The following DCLK2 variants were observed in gnomAD, a reference collection of about 807,000 sequenced individuals.
The protein encoded by DCLK2 is serine/threonine-protein kinase DCLK2.
A neutral mutation model predicts 78.4 loss-of-function variants in DCLK2; 31 were observed. The ratio of observed to expected loss-of-function variants is 0.40; its 90% CI spans 0.30 to 0.53. The LOEUF (loss-of-function observed/expected upper bound fraction) is 0.53. DCLK2 is among the 20% of genes least tolerant of loss of function. The pLI is 0.61. For synonymous variants in DCLK2, 407 were observed against 374.9 expected (o/e 1.09, Z -0.99); for missense variants, 872 against 973.7 (o/e 0.90, Z 1.39).
chr4:150,241,412 C>G (rs1742917977), intron 12 of DCLK2, among the ~76,000 whole-genome samples: 1 of 152,186 alleles, frequency 6.6e-6, no homozygotes, highest in East Asian at 1.9e-4. Context: ...ATCTCCCCCT[C>G]TGGAGCAAAT....
At chr4:150,167,995 G>A (rs1736221896) in intron 2 of DCLK2, among the ~76,000 whole-genome samples, 3 of 152,176 alleles carry the variant, frequency 2.0e-5, no homozygotes, top group Non-Finnish European at 4.4e-5. Flanking sequence ...CCACCCCAAG[G>A]GAAGAACTGG....
intron 2 of DCLK2, among the ~76,000 whole-genome samples, chr4:150,180,116 A>C (rs967680024): frequency 2.0e-5 from 3 of 152,194 alleles, no homozygotes; most frequent in African/African-American, 7.2e-5. Flanking sequence ...TGTAAATTAC[A>C]CTGTTAATAC....
intron 3 of DCLK2, among the ~76,000 whole-genome samples, chr4:150,195,664 A>G (rs182659055): frequency 6.7e-6 from 1 of 150,256 alleles, no homozygotes; most frequent in Non-Finnish European, 1.5e-5. Flanking sequence ...CTTACTTTGT[A>G]TGTACAGGCA....
chr4:150,242,627 G>A (rs1407807433), intron 12 of DCLK2, among the ~76,000 whole-genome samples: 1 of 152,140 alleles, frequency 6.6e-6, no homozygotes, highest in East Asian at 1.9e-4. Context: ...AGATGACTTG[G>A]CCCTGTGCTT....
chr4:150,080,111 G>GCCCC (rs540978992), intron 1 of DCLK2, among the ~76,000 whole-genome samples: 4,130 of 129,010 alleles, frequency 0.032, 304 homozygotes, highest in Non-Finnish European at 0.051. Flanking sequence ...AGTCTCAAAA[G>GCCCC]CCCCCCCCCC....
At chr4:150,155,000 G>A (rs1735162341) in intron 2 of DCLK2, among the ~76,000 whole-genome samples, 1 of 152,172 alleles carries the variant, frequency 6.6e-6, no homozygotes, top group African/African-American at 2.4e-5. Flanking sequence ...GGAGGCCTAG[G>A]CGGGTGGATC....
chr4:150,182,404 G>A (rs1405320879), intron 2 of DCLK2, among the ~76,000 whole-genome samples: 1 of 152,080 alleles, frequency 6.6e-6, no homozygotes, highest in Admixed American at 6.6e-5. Context: ...TAAGAAAAAT[G>A]GAGTGGGAAA....
chr4:150,171,837 C>T (rs971657668), intron 2 of DCLK2, among the ~76,000 whole-genome samples: 2 of 152,242 alleles, frequency 1.3e-5, no homozygotes, highest in Admixed American at 1.3e-4. Flanking sequence ...TTGAATCCCT[C>T]ACACTGGCTG....
intron 2 of DCLK2, among the ~76,000 whole-genome samples, chr4:150,192,215 TCA>T (rs1738505447): frequency 6.6e-6 from 1 of 152,040 alleles, no homozygotes; most frequent in South Asian, 2.1e-4. Flanking sequence ...GCATGGTGAC[TCA>T]CACCTGTAAT....
intron 2 of DCLK2, among the ~76,000 whole-genome samples, chr4:150,142,264 A>G (rs956059821): frequency 1.3e-5 from 2 of 152,108 alleles, no homozygotes; most frequent in African/African-American, 2.4e-5. Context: ...CATTATGTAT[A>G]TAATTAACAC....
intron 2 of DCLK2, among the ~76,000 whole-genome samples, chr4:150,123,293 C>A (rs1732695305): frequency 6.6e-6 from 1 of 152,088 alleles, no homozygotes; most frequent in African/African-American, 2.4e-5. Context: ...CACTTAGAGG[C>A]CATTGTAGTG....
intron 2 of DCLK2, among the ~76,000 whole-genome samples, chr4:150,180,954 A>G (rs1325176843): frequency 6.6e-6 from 1 of 152,156 alleles, no homozygotes; most frequent in Non-Finnish European, 1.5e-5. Flanking sequence ...CCCCAAACCC[A>G]GGAGGAGGGA....
Position 150,199,107 on chromosome 4 carries a change from C to T in DCLK2, c.961+1004C>T, listed in dbSNP as rs77610009. The T allele has an allele frequency of 1.6e-3, 2,459 of 1,586,158 alleles. 21 individuals carry two copies. In the African/African-American group the frequency reaches 0.019, roughly 12 times the overall value. ...AGCCATGACTATTGTGGCTTTGTTG[C>T]TCTGCTGGGTTTTTGTTTTTGTTTT... On this transcript the variant is annotated intron_variant, in intron 4 of 15. Coordinates refer to ENST00000296550, the MANE Select transcript of DCLK2 (RefSeq NM_001040260.4).
intron 2 of DCLK2, among the ~76,000 whole-genome samples, chr4:150,118,528 T>A (rs1254100524): frequency 3.9e-5 from 6 of 152,312 alleles, no homozygotes; most frequent in Admixed American, 3.3e-4. Flanking sequence ...ATTTTTATAA[T>A]TGACTATTCC....
At chr4:150,234,982 A>G (rs1172069323) in intron 10 of DCLK2, among the ~76,000 whole-genome samples, 1 of 152,204 alleles carries the variant, frequency 6.6e-6, no homozygotes, top group Non-Finnish European at 1.5e-5. Flanking sequence ...AGGTGTGACC[A>G]GACACAAACA....
intron 2 of DCLK2, among the ~76,000 whole-genome samples, chr4:150,190,799 A>T (rs1044771305): frequency 3.3e-5 from 5 of 152,154 alleles, no homozygotes; most frequent in African/African-American, 1.2e-4. Flanking sequence ...GTGGTCTGCG[A>T]ATTACAGCTC....
chr4:150,195,008 G>T (rs959766718), intron 3 of DCLK2, among the ~76,000 whole-genome samples: 22 of 147,264 alleles, frequency 1.5e-4, no homozygotes, highest in African/African-American at 5.5e-4. Context: ...ATTATATTCT[G>T]TTGGACTGGC....
chr4:150,143,753 G>A (rs770282174), intron 2 of DCLK2, among the ~76,000 whole-genome samples: 1 of 152,070 alleles, frequency 6.6e-6, no homozygotes, highest in African/African-American at 2.4e-5. Context: ...ATTCTGACTG[G>A]TGTAGGATAA....
At chr4:150,166,402 G>C (rs1010793092) in intron 2 of DCLK2, among the ~76,000 whole-genome samples, 10 of 146,644 alleles carry the variant, frequency 6.8e-5, no homozygotes, top group African/African-American at 2.2e-4. Context: ...GCTGAGTTAG[G>C]AGGATCACTT....
Sources: gnomAD v4.1 joint callset for allele counts (sites outside exome capture counted in the v4.1 genomes callset) on GRCh38, gnomAD v4.1.1 for gene constraint, MANE v1.5 for transcripts, NCBI Gene and HGNC (gene_info 2026-07-23, HGNC 2026-07-21) for gene names.